HADHA: variants seen among roughly 807,000 people sequenced by gnomAD.
HADHA encodes trifunctional enzyme subunit alpha, mitochondrial.
In HADHA, 59 loss-of-function variants were observed where a neutral mutation model predicts 91.3. The observed-to-expected ratio is 0.65, with a 90% CI of 0.52 to 0.80. The LOEUF is 0.80. HADHA is among the 30% of genes least tolerant of loss of function. The pLI, the probability that HADHA is intolerant of heterozygous loss-of-function variation, is 0.00. For missense variants in HADHA, 800 were observed against 927.6 expected (o/e 0.86, Z 1.79); for synonymous variants, 320 against 338.9 (o/e 0.94, Z 0.61).
rs1265893765 is a variant in HADHA at position 26,195,106 on chromosome 2, T to C, written c.1606A>G (p.Ile536Val). The C allele has an allele frequency of 6.2e-7, 1 of 1,613,618 alleles. No individual in the cohort carries two copies. The highest frequency in any genetic ancestry group is 8.5e-7 in the Non-Finnish European group (1 of 1,179,596). Residue 536 changes from isoleucine (I) to valine (V), a missense_variant, in exon 15 of 20, where the codon ATC becomes GTC. Transcript: ENST00000380649. ...VAVGLKQGKVIIVVKDGPGFY... is the reference protein window; with the variant it reads ...VAVGLKQGKVVIVVKDGPGFY... Reference sequence around the variant, plus strand: ...CAGCCCCTTACCTTAACCACAATGATGACCTTCCCCTGCTTGAGACCAACT... The same window carrying C: ...CAGCCCCTTACCTTAACCACAATGACGACCTTCCCCTGCTTGAGACCAACT...
intron 7 of HADHA, among the ~76,000 whole-genome samples, chr2:26,226,470 C>T (rs1012066390): frequency 1.3e-5 from 2 of 152,058 alleles, no homozygotes; most frequent in Non-Finnish European, 2.9e-5. Context: ...ATTGGTTTAA[C>T]AAAAAGACAT....
chr2:26,202,656 G>A (rs543684401), intron 12 of HADHA, among the ~76,000 whole-genome samples: 5 of 152,294 alleles, frequency 3.3e-5, no homozygotes, highest in African/African-American at 1.2e-4. Context: ...CATGAGAATC[G>A]CTTGAACCCG....
intron 5 of HADHA, among the ~76,000 whole-genome samples, chr2:26,233,730 C>T (rs1390654560): frequency 6.6e-6 from 1 of 152,168 alleles, no homozygotes; most frequent in East Asian, 1.9e-4. Flanking sequence ...TGCTTTGTGC[C>T]ACTTGCTCTG....
Position 26,201,293 on chromosome 2 carries a change from A to C in HADHA, c.1248T>G (p.Ala416=), listed in dbSNP as rs769173885. 4.5e-5 allele frequency: 73 copies of C among 1,611,286 alleles called. 1 individual carries two copies. In the South Asian group the frequency reaches 6.7e-4, roughly 15 times the overall value. The change falls in exon 13 of 20, where the codon GCT becomes GCG. Residue 416 remains alanine, a synonymous_variant. Transcript: ENST00000380649. ...KGLNDKVKKK[A]LTSFERDSIF... ...TGGAATCCCTTTCAAATGATGTTAG[A>C]GCTTTCTTCTTCACTTTGTCATTCA...
Position 26,231,025 on chromosome 2 carries a change from A to G in HADHA, c.574-731T>C, listed in dbSNP as rs181836417. Among the ~76,000 whole-genome samples the G allele has an allele frequency of 1.5e-4, 23 of 152,312 alleles. No individual in the cohort carries two copies. The East Asian group carries it at 4.2e-3, about 28-fold the overall frequency. ...AAAGAATTTTAAGCTTAACAAAAATAGAACTCAGCTAGGGCTGCTTATATG... is the reference window on the plus strand; with the variant it reads ...AAAGAATTTTAAGCTTAACAAAAATGGAACTCAGCTAGGGCTGCTTATATG... On this transcript the variant is annotated intron_variant, in intron 6 of 19. Coordinates refer to ENST00000380649, the MANE Select transcript of HADHA (RefSeq NM_000182.5).
chr2:26,201,326 A>G lies in HADHA; in HGVS notation c.1221-6T>C. 6.3e-7 allele frequency: 1 copy of G among 1,590,932 alleles called. No individual in the cohort carries two copies. The highest frequency in any genetic ancestry group is 8.6e-7 in the Non-Finnish European group (1 of 1,158,854). ...TCTTCACTTTGTCATTCAATCTAGA[A>G]AAAACACATTCCTAGTTAGATGGGA... is the stretch of plus-strand genomic sequence containing the variant. On this transcript the variant is annotated splice_polypyrimidine_tract_variant and splice_region_variant and intron_variant, in intron 12 of 19. Coordinates refer to ENST00000380649, the MANE Select transcript of HADHA (RefSeq NM_000182.5).
intron 9 of HADHA, among the ~76,000 whole-genome samples, chr2:26,213,337 T>C (rs1670147910): frequency 6.6e-6 from 1 of 152,204 alleles, no homozygotes; most frequent in African/African-American, 2.4e-5. Context: ...CTACTTTGTC[T>C]CTCCTTCGAA....
At chr2:26,244,469 C>T in intron 1 of HADHA, 61 bp downstream of exon 1, 4 of 1,519,032 alleles carry the variant, frequency 2.6e-6, no homozygotes, top group African/African-American at 1.4e-5. Context: ...GGCTCCGGGG[C>T]CACCCCAGTC....
At chr2:26,237,606 C>T (rs1670792310) in intron 3 of HADHA, among the ~76,000 whole-genome samples, 1 of 151,946 alleles carries the variant, frequency 6.6e-6, no homozygotes, top group African/African-American at 2.4e-5. Flanking sequence ...CCAGCCTAGG[C>T]AACAGAATGA....
In HADHA at chr2:26,197,300, C is replaced by T. The variant is rs551154472; in HGVS notation, c.1479+391G>A. Among the ~76,000 whole-genome samples the T allele has an allele frequency of 1.2e-4, 19 of 152,306 alleles. No individual in the cohort carries two copies. The South Asian group carries it at 3.9e-3, about 32-fold the overall frequency. On this transcript the variant is annotated intron_variant, in intron 14 of 19. Transcript: ENST00000380649. ...AAGCAAACCCACGGGCAGACACATC[C>T]CACCATTCCTGCCATTCCCTGATCT...
intron 1 of HADHA, chr2:26,243,093 C>T (rs917591771): frequency 1.3e-5 from 2 of 151,990 alleles, no homozygotes; most frequent in South Asian, 4.1e-4. Flanking sequence ...ACTTCTCATG[C>T]AAAGGAAATC....
chr2:26,213,843 C>T (rs1171298347), intron 9 of HADHA, among the ~76,000 whole-genome samples: 6 of 152,206 alleles, frequency 3.9e-5, no homozygotes, highest in African/African-American at 7.2e-5. Flanking sequence ...TCAAGATATA[C>T]TTGCTGACTG....
intron 13 of HADHA, among the ~76,000 whole-genome samples, chr2:26,199,055 T>G (rs1250424537): frequency 6.6e-6 from 1 of 152,104 alleles, no homozygotes; most frequent in Non-Finnish European, 1.5e-5. Flanking sequence ...CCACCATGCC[T>G]GGCTAATTTT....
At chr2:26,200,049 C>T (rs778208870) in intron 13 of HADHA, among the ~76,000 whole-genome samples, 4 of 152,156 alleles carry the variant, frequency 2.6e-5, no homozygotes, top group Admixed American at 6.5e-5. Flanking sequence ...AGAGGACAAC[C>T]GAAACGGGGT....
chr2:26,190,952 T>C lies in HADHA; in HGVS notation c.*298A>G, dbSNP rs1310145430. 2 of 516,662 alleles carry C rather than the reference T, an allele frequency of 3.9e-6. No homozygotes were observed. Among genetic ancestry groups the C allele is most frequent in the African/African-American group, 3.8e-5 (2 of 52,238 alleles). The allele number at this position is 516,662 out of a possible 1,614,324, so 32.0% of individuals were successfully genotyped here. On this transcript the variant is annotated 3_prime_UTR_variant, in exon 20 of 20. Coordinates refer to ENST00000380649, the MANE Select transcript of HADHA (RefSeq NM_000182.5). ...CACCACCCCTGGCCACCCTGGCCTC[T>C]TGGGAGGAACAGGCAGAGAGGTGGC...
chr2:26,201,873 C>T (rs1192353072), intron 12 of HADHA, among the ~76,000 whole-genome samples: 1 of 151,854 alleles, frequency 6.6e-6, no homozygotes, highest in East Asian at 1.9e-4. Flanking sequence ...CAGCTCACTG[C>T]AACCTCTTGT....
intron 7 of HADHA, among the ~76,000 whole-genome samples, chr2:26,223,543 C>T (rs1386410878): frequency 6.6e-6 from 1 of 152,184 alleles, no homozygotes; most frequent in Non-Finnish European, 1.5e-5. Flanking sequence ...AAACCTGGTA[C>T]ACAGCCAGTG....
chr2:26,194,383 GC>G (rs1223558399), intron 16 of HADHA, among the ~76,000 whole-genome samples, 186 bp downstream of exon 16: 5 of 152,150 alleles, frequency 3.3e-5, no homozygotes, highest in Non-Finnish European at 5.9e-5. Flanking sequence ...GGAAAGCTCT[GC>G]CCCTTTCAGT....
At chr2:26,195,889 G>C (rs1439331871) in intron 14 of HADHA, among the ~76,000 whole-genome samples, 13 of 152,212 alleles carry the variant, frequency 8.5e-5, no homozygotes, top group Admixed American at 7.9e-4. Flanking sequence ...CCCTCCTGGT[G>C]ATTCTGATGC....
Sources: allele counts gnomAD v4.1 joint callset (sites outside exome capture counted in the v4.1 genomes callset), GRCh38; gene constraint gnomAD v4.1.1; transcripts MANE v1.5; gene names NCBI Gene and HGNC (gene_info 2026-07-23, HGNC 2026-07-21).